Variants in TFF1 observed in about 807,000 individuals in gnomAD.
The protein encoded by TFF1 is breast cancer estrogen-inducible protein.
In TFF1, 8 loss-of-function variants were observed where a neutral mutation model predicts 7.7. The ratio of observed to expected loss-of-function variants is 1.04; its 90% confidence interval spans 0.61 to 1.87. TFF1 has a LOEUF of 1.87. Ranked by LOEUF, TFF1 falls within the 40% of genes most tolerant of loss-of-function variation. The probability of loss-of-function intolerance (pLI) is 0.00; values close to 1 mark genes in which losing one functional copy is unlikely to be tolerated. For missense variants in TFF1, 120 were observed against 113.4 expected, an observed-to-expected ratio of 1.06 and a Z score of -0.26; for synonymous variants, 47 against 44.8, an observed-to-expected ratio of 1.05 and a Z score of -0.19.
At chr21:42,363,477 C>T in intron 1 of TFF1, 70 bp from the exon 2 acceptor site, 2 of 1,520,558 alleles carry the variant, frequency 1.3e-6, no homozygotes, top group Non-Finnish European at 1.8e-6. Context: ...TGCACACACC[C>T]ATCCAGCTTC....
chr21:42,366,357 G>A (rs1050355248), intron 1 of TFF1, 54 bp downstream of exon 1: 7 of 1,421,038 alleles, frequency 4.9e-6, no homozygotes, highest in Admixed American at 2.0e-5. Flanking sequence ...GGCTCCTGGC[G>A]GAGGCTGCCA....
intron 1 of TFF1, among the ~76,000 whole-genome samples, chr21:42,365,952 A>G (rs2052276065): frequency 6.6e-6 from 1 of 152,074 alleles, no homozygotes; most frequent in Non-Finnish European, 1.5e-5. Flanking sequence ...GTTGGCCACC[A>G]CTGGGACGGG....
Position 42,362,447 on chromosome 21 carries a change from G to A in TFF1, c.*32C>T, listed in dbSNP as rs565380350. The stretch of plus-strand genomic sequence containing the variant: ...ATCACCGTGCTGGGGACGGCACCGC[G>A]TCAGGATGCAGGCAGATCCCTGCAG... On this transcript the variant is annotated 3_prime_UTR_variant, in exon 3 of 3. Transcript: ENST00000291527. The A allele has an allele frequency of 7.6e-6, 12 of 1,571,526 alleles. No individual in the cohort carries two copies. The East Asian group carries it at 9.5e-5, about 12-fold the overall frequency.
intron 1 of TFF1, among the ~76,000 whole-genome samples, chr21:42,364,826 T>C (rs1019330431): frequency 4.6e-5 from 7 of 152,186 alleles, no homozygotes; most frequent in Non-Finnish European, 7.4e-5. Flanking sequence ...GAAGGATCCG[T>C]GTTCAGCTCC....
intron 1 of TFF1, among the ~76,000 whole-genome samples, chr21:42,364,547 G>A (rs1343960575): frequency 6.6e-6 from 1 of 152,188 alleles, no homozygotes; most frequent in Non-Finnish European, 1.5e-5. Flanking sequence ...AGAGCTTCAG[G>A]CTCTGAGCTC....
At position 42,366,497 on chromosome 21, in the gene TFF1, G is replaced by A. The variant is rs2156310; in HGVS notation, c.-2C>T. On this transcript the variant is annotated 5_prime_UTR_variant, in exon 1 of 3. Coordinates refer to ENST00000291527, the MANE Select transcript of TFF1 (RefSeq NM_003225.3). Reference sequence around the variant, plus strand: ...CACCTTGTTCTCCATGGTGGCCATTGCCTCCTCTCTGCTCCAAAGGCGACC... The same window carrying A: ...CACCTTGTTCTCCATGGTGGCCATTACCTCCTCTCTGCTCCAAAGGCGACC... 233,926 of 1,608,450 alleles carry A rather than the reference G, an allele frequency of 0.15. 19,838 individuals carry two copies. Among genetic ancestry groups the A allele is most frequent in the East Asian group, 0.44 (19,880 of 44,730 alleles).
chr21:42,365,271 G>T (rs559914643), intron 1 of TFF1, among the ~76,000 whole-genome samples: 1 of 151,938 alleles, frequency 6.6e-6, no homozygotes, highest in Admixed American at 6.5e-5. Context: ...GGCAGAGCTG[G>T]GGGCTGGGGT....
chr21:42,363,511 G>A lies in TFF1; in HGVS notation c.86-104C>T, dbSNP rs1411663862. On this transcript the variant is annotated intron_variant, in intron 1 of 2. Coordinates refer to ENST00000291527, the MANE Select transcript of TFF1 (RefSeq NM_003225.3). ...TCCTTCTCCAATGACATCAGCAACT[G>A]TCCAGTGAGGCGGATATAAAACCCT... 10 of 1,380,538 alleles carry A rather than the reference G, an allele frequency of 7.2e-6. No individual in the cohort carries two copies. In the East Asian group the frequency reaches 2.2e-4, roughly 31 times the overall value. The allele number at this position is 1,380,538 out of a possible 1,614,324, so 85.5% of individuals were successfully genotyped here. A position where few individuals can be genotyped will look rare whatever the true frequency, so the allele number is the denominator to read the frequency against.
rs763683462 is a variant in TFF1 at position 42,366,462 on chromosome 21, G to A, written c.34C>T (p.Leu12=). 1 of 1,612,982 alleles carries A rather than the reference G, an allele frequency of 6.2e-7. No individual in the cohort carries two copies. Among genetic ancestry groups the A allele is most frequent in the Non-Finnish European group, 8.5e-7 (1 of 1,179,250 alleles). The change falls in exon 1 of 3, where the codon CTG becomes TTG. Residue 12 remains leucine, a synonymous_variant. Transcript: ENST00000291527. ...ATMENKVICA[L]VLVSMLALGT... is the part of the protein sequence containing the mutation. ...AGGGCCAGCATGGACACCAGGACCA[G>A]GGCGCAGATCACCTTGTTCTCCATG...
chr21:42,366,318 G>C, intron 1 of TFF1, 93 bp downstream of exon 1: 2 of 942,464 alleles, frequency 2.1e-6, no homozygotes, highest in Non-Finnish European at 3.2e-6. Flanking sequence ...GCACAAAACA[G>C]GTGCTCAAAA....
chr21:42,364,876 G>A (rs1033175470), intron 1 of TFF1, among the ~76,000 whole-genome samples: 3 of 152,180 alleles, frequency 2.0e-5, no homozygotes, highest in Admixed American at 6.5e-5. Context: ...GCCCTCCTGG[G>A]GTCTGGATCC....
intron 2 of TFF1, 106 bp downstream of exon 2, chr21:42,363,149 C>T: frequency 2.0e-6 from 3 of 1,471,502 alleles, no homozygotes; most frequent in Non-Finnish European, 2.8e-6. Context: ...GGCCGTGACT[C>T]TGTGTAAAGG....
At chr21:42,365,238 C>A (rs1443370851) in intron 1 of TFF1, among the ~76,000 whole-genome samples, 1 of 150,466 alleles carries the variant, frequency 6.6e-6, no homozygotes, top group Admixed American at 6.6e-5. Flanking sequence ...TTGCCACGGC[C>A]TCTGTGATCC....
chr21:42,364,772 A>G (rs376362158), intron 1 of TFF1, among the ~76,000 whole-genome samples: 15 of 152,280 alleles, frequency 9.9e-5, no homozygotes, highest in African/African-American at 3.6e-4. Context: ...GCTATCAGGG[A>G]CTGCCTCGAG....
chr21:42,364,867 C>A lies in TFF1; in HGVS notation c.86-1460G>T, dbSNP rs142974735. Among the ~76,000 whole-genome samples the A allele has an allele frequency of 1.9e-3, 282 of 152,320 alleles. 2 individuals carry two copies. The highest frequency in any genetic ancestry group is 3.4e-3 in the Middle Eastern group (1 of 294). ...CCCAGCAGCTTCCATGGGAACCTTG[C>A]CCTCCTGGGGTCTGGATCCATCGCG... On this transcript the variant is annotated intron_variant, in intron 1 of 2. Transcript: ENST00000291527.
At chr21:42,364,425 G>A (rs1476985970) in intron 1 of TFF1, among the ~76,000 whole-genome samples, 1 of 152,220 alleles carries the variant, frequency 6.6e-6, no homozygotes, top group Non-Finnish European at 1.5e-5. Flanking sequence ...TACAAGCTGT[G>A]AAACAGCTTG....
rs1050140832 is a variant in TFF1 at position 42,362,427 on chromosome 21, C to G, written c.*52G>C. 6.4e-7 allele frequency: 1 copy of G among 1,557,452 alleles called. No homozygotes were observed. Among genetic ancestry groups the G allele is most frequent in the Non-Finnish European group, 8.7e-7 (1 of 1,152,348 alleles). Reference sequence around the variant, plus strand: ...GCAGCCGAGCTCTGGGACTAATCACCGTGCTGGGGACGGCACCGCGTCAGG... The same window carrying G: ...GCAGCCGAGCTCTGGGACTAATCACGGTGCTGGGGACGGCACCGCGTCAGG... On this transcript the variant is annotated 3_prime_UTR_variant, in exon 3 of 3. Transcript: ENST00000291527.
chr21:42,363,398 G>C lies in TFF1; in HGVS notation c.95C>G (p.Thr32Arg). 5.0e-6 allele frequency: 8 copies of C among 1,613,828 alleles called. No homozygotes were observed. Among genetic ancestry groups the C allele is most frequent in the Non-Finnish European group, 6.8e-6 (8 of 1,179,906 alleles). The change falls in exon 2 of 3, where the codon ACA (threonine) becomes AGA (arginine). Residue 32 changes from threonine to arginine, a missense_variant. Thr to Arg is a moderately conservative substitution (Grantham distance 71). Transcript: ENST00000291527. ...ATTCTGTCTTTCACGGGGGGCCACT[G>C]TACACGTCTCTGAAAGTGCACAGGT... ...TLAEAQTETC[T>R]VAPRERQNCG...
At chr21:42,365,677 G>A (rs760778936) in intron 1 of TFF1, among the ~76,000 whole-genome samples, 1 of 152,182 alleles carries the variant, frequency 6.6e-6, no homozygotes, top group Non-Finnish European at 1.5e-5. Flanking sequence ...AGTGCAAGTC[G>A]CAGATGCTGC....
Sources: gnomAD v4.1 joint callset for allele counts (sites outside exome capture counted in the v4.1 genomes callset) on GRCh38, gnomAD v4.1.1 for gene constraint, MANE v1.5 for transcripts, NCBI Gene and HGNC (gene_info 2026-07-23, HGNC 2026-07-21) for gene names.